Variants in ZSCAN5A observed in about 807,000 individuals in gnomAD.
ZSCAN5A encodes the protein zinc finger and SCAN domain containing 5A.
Under a neutral mutation model 23.7 loss-of-function variants are expected in ZSCAN5A, and 12 were observed. The observed-to-expected ratio is 0.51, with a 90% CI of 0.32 to 0.82. The LOEUF is 0.82. ZSCAN5A is among the 40% of genes least tolerant of loss of function. The pLI, the probability that ZSCAN5A is intolerant of heterozygous loss-of-function variation, is 0.03. For synonymous variants in ZSCAN5A, 257 were observed against 239.9 expected (o/e 1.07, Z -0.66); for missense variants, 597 against 617.9 (o/e 0.97, Z 0.36).
intron 2 of ZSCAN5A, among the ~76,000 whole-genome samples, chr19:56,336,215 G>C (rs979916491): frequency 2.8e-5 from 4 of 143,348 alleles, no homozygotes; most frequent in African/African-American, 1.0e-4. Context: ...TCACTTTCAG[G>C]TACACCAATC....
intron 2 of ZSCAN5A, among the ~76,000 whole-genome samples, chr19:56,258,032 C>T (rs1284955292): frequency 8.0e-6 from 1 of 125,220 alleles, no homozygotes; most frequent in Non-Finnish European, 1.8e-5. Context: ...TGCCTCCCAC[C>T]ACTGCCCGAT....
At chr19:56,230,449 A>G (rs1353119037) in intron 2 of ZSCAN5A, among the ~76,000 whole-genome samples, 2 of 152,164 alleles carry the variant, frequency 1.3e-5, no homozygotes, top group African/African-American at 4.8e-5. Context: ...GTTGTGATGC[A>G]ATCGTCAGAA....
At chr19:56,262,791 G>C (rs1326577231) in intron 2 of ZSCAN5A, among the ~76,000 whole-genome samples, 4 of 152,124 alleles carry the variant, frequency 2.6e-5, no homozygotes, top group African/African-American at 9.7e-5. Context: ...TGTATCGATA[G>C]TTCATCCTTT....
chr19:56,366,483 G>C (rs1203640120), intron 1 of ZSCAN5A, among the ~76,000 whole-genome samples: 1 of 151,436 alleles, frequency 6.6e-6, no homozygotes, highest in East Asian at 1.9e-4. Flanking sequence ...CATTAATTGG[G>C]AGGCCATTAG....
intron 2 of ZSCAN5A, among the ~76,000 whole-genome samples, chr19:56,247,977 A>T (rs890478000): frequency 6.6e-6 from 1 of 152,192 alleles, no homozygotes; most frequent in Non-Finnish European, 1.5e-5. Context: ...GGCGTGAGCC[A>T]CCGCACCTGG....
upstream of ZSCAN5A, chr19:56,315,739 C>T (rs1002769714): frequency 6.6e-6 from 1 of 152,122 alleles, no homozygotes; most frequent in South Asian, 2.1e-4. Context: ...ATTTCAGGGC[C>T]CCGGGCAAGA....
At chr19:56,362,576 AAT>A (rs980433237) in intron 2 of ZSCAN5A, among the ~76,000 whole-genome samples, 7 of 151,940 alleles carry the variant, frequency 4.6e-5, no homozygotes, top group African/African-American at 1.7e-4. Context: ...AATAAAATAA[AAT>A]AAAAAAGATG....
At chr19:56,301,019 A>G (rs1042760471) in intron 2 of ZSCAN5A, among the ~76,000 whole-genome samples, 1 of 152,144 alleles carries the variant, frequency 6.6e-6, no homozygotes, top group Non-Finnish European at 1.5e-5. Flanking sequence ...AGCCATCAAG[A>G]GCAGAGCCTG....
chr19:56,262,171 C>T (rs2037170214), intron 2 of ZSCAN5A, among the ~76,000 whole-genome samples: 1 of 151,994 alleles, frequency 6.6e-6, no homozygotes, highest in African/African-American at 2.4e-5. Flanking sequence ...GCGCCTGCCA[C>T]CATGATCGGC....
intron 2 of ZSCAN5A, among the ~76,000 whole-genome samples, chr19:56,257,536 A>G (rs1052782917): frequency 5.5e-5 from 8 of 144,586 alleles, no homozygotes; most frequent in Non-Finnish European, 1.1e-4. Context: ...ACCACTGCCC[A>G]TCTTCTTAGA....
At chr19:56,312,675 TAGTGGC>T (rs1447529228) in intron 2 of ZSCAN5A, among the ~76,000 whole-genome samples, 1 of 152,246 alleles carries the variant, frequency 6.6e-6, no homozygotes, top group Non-Finnish European at 1.5e-5. Context: ...ATGTTAACAG[TAGTGGC>T]AGTGGGGAAG....
At chr19:56,228,796 A>G (rs1017592092) in intron 2 of ZSCAN5A, among the ~76,000 whole-genome samples, 3 of 152,200 alleles carry the variant, frequency 2.0e-5, no homozygotes, top group Admixed American at 6.5e-5. Flanking sequence ...TACATAATGA[A>G]TATTGGTGAT....
chr19:56,281,259 C>A (rs2038676400), intron 2 of ZSCAN5A, among the ~76,000 whole-genome samples: 1 of 152,082 alleles, frequency 6.6e-6, no homozygotes, highest in Non-Finnish European at 1.5e-5. Flanking sequence ...GTTGGTCTTT[C>A]TGTCTCAGGG....
chr19:56,241,268 C>CT (rs569795533), intron 2 of ZSCAN5A, among the ~76,000 whole-genome samples: 1 of 152,008 alleles, frequency 6.6e-6, no homozygotes, highest in African/African-American at 2.4e-5. Context: ...CATGAAACCA[C>CT]TTTTTTAAGA....
rs1350164748 is a variant in ZSCAN5A, at chr19:56,352,643, G to T, written c.-358+10592C>A. ...ATTATCAAAGTAAGGCGGTCAGTGG[G>T]TGGGAAATTACAAAGAACAACTTGA... On this transcript the variant is annotated intron_variant, in intron 2 of 6. Transcript: ENST00000587340. The surrounding 1 kb of genome is among the most constrained non-coding windows in gnomAD (Gnocchi z 4.2). 6.6e-6 allele frequency among the ~76,000 whole-genome samples: 1 copy of T among 152,202 alleles called. No homozygotes were observed. Among genetic ancestry groups the T allele is most frequent in the Admixed American group, 6.5e-5 (1 of 15,284 alleles).
chr19:56,311,831 C>T (rs1435782036), intron 2 of ZSCAN5A: 3 of 152,158 alleles, frequency 2.0e-5, no homozygotes, highest in Non-Finnish European at 4.4e-5. Context: ...CCCCACAATC[C>T]CATACCCCGA....
At chr19:56,340,419 G>A (rs566528518) in intron 2 of ZSCAN5A, among the ~76,000 whole-genome samples, 2 of 152,318 alleles carry the variant, frequency 1.3e-5, no homozygotes, top group East Asian at 3.9e-4. Flanking sequence ...GGAGAACGAA[G>A]TTCAAAACCA....
chr19:56,295,400 CCTG>C (rs2039802136), intron 2 of ZSCAN5A, among the ~76,000 whole-genome samples: 1 of 151,944 alleles, frequency 6.6e-6, no homozygotes, highest in African/African-American at 2.4e-5. Context: ...TCTAGACCAG[CCTG>C]GCCAACGTGG....
intron 2 of ZSCAN5A, among the ~76,000 whole-genome samples, chr19:56,307,383 G>A (rs555232944): frequency 6.6e-6 from 1 of 152,050 alleles, no homozygotes; most frequent in Non-Finnish European, 1.5e-5. Flanking sequence ...AACTTTAAAA[G>A]AAAGAAAATC....
Sources: allele counts gnomAD v4.1 joint callset (sites outside exome capture counted in the v4.1 genomes callset), GRCh38; gene constraint gnomAD v4.1.1; non-coding constraint Gnocchi (gnomAD v3.1); transcripts MANE v1.5; gene names NCBI Gene and HGNC (gene_info 2026-07-23, HGNC 2026-07-21).